The following CEP44 variants were observed in gnomAD, a reference collection of about 807,000 sequenced individuals.
The protein encoded by CEP44 is centrosomal protein 44.
Under a neutral mutation model 46.7 loss-of-function variants are expected in CEP44, and 45 were observed. The ratio of observed to expected loss-of-function variants is 0.96; its 90% CI spans 0.76 to 1.24. The LOEUF is 1.24. CEP44 is among the 50% of genes most tolerant of loss of function. The probability of loss-of-function intolerance (pLI) is 0.00; values close to 1 mark genes in which losing one functional copy is unlikely to be tolerated. For missense variants in CEP44, 475 were observed against 459.7 expected, an observed-to-expected ratio of 1.03 and a Z score of -0.30; for synonymous variants, 142 against 146.0, an observed-to-expected ratio of 0.97 and a Z score of 0.20.
At chr4:174,292,737 A>C (rs1158445703) in intron 1 of CEP44, among the ~76,000 whole-genome samples, 1 of 151,972 alleles carries the variant, frequency 6.6e-6, no homozygotes, top group East Asian at 1.9e-4. Context: ...CTTCTCCTTT[A>C]TTGAACTTTT....
In CEP44 at chr4:174,317,348, G is replaced by A; in HGVS notation, c.1138G>A (p.Ala380Thr). 1 of 1,389,544 alleles carries A rather than the reference G, an allele frequency of 7.2e-7. No individual in the cohort carries two copies. Among genetic ancestry groups the A allele is most frequent in the Non-Finnish European group, 9.6e-7 (1 of 1,040,018 alleles). 86.1% of individuals were successfully genotyped at this position (1,389,544 alleles called of 1,614,324 possible). ...ERMKKMFEET[A>T]ELLKCPNHYL ...ATTATATTTCAGGTTTGAAGAAACT[G>A]CAGAGTTACTGAAATGTCCAAATCA... Residue 380 changes from alanine to threonine, a missense_variant, in exon 12 of 12, where the codon GCA becomes ACA. Transcript: ENST00000503780.
At position 174,288,847 on chromosome 4, in the gene CEP44, G is replaced by A. The variant is rs570215435; in HGVS notation, c.-148+4904G>A. 1.3e-4 allele frequency among the ~76,000 whole-genome samples: 20 copies of A among 152,234 alleles called. No homozygotes were observed. In the South Asian group the frequency reaches 4.1e-3, roughly 32 times the overall value. The stretch of plus-strand genomic sequence containing the variant: ...CCTCATCTTATGGGGAAAGCTTTCA[G>A]TTTTTTATCTTTAAGTATCTTAGCT... On this transcript the variant is annotated intron_variant, in intron 1 of 11. Coordinates refer to ENST00000503780, the MANE Select transcript of CEP44 (RefSeq NM_001040157.3). This position sits in a 1 kb window ranked among gnomAD's most constrained non-coding sequence, Gnocchi z 4.6.
intron 9 of CEP44, among the ~76,000 whole-genome samples, 192 bp from the exon 10 acceptor site, chr4:174,315,974 A>T (rs960653650): frequency 6.6e-6 from 1 of 151,790 alleles, no homozygotes; most frequent in Non-Finnish European, 1.5e-5. Context: ...TGTAATTTTT[A>T]TTGGGCAATT....
At chr4:174,295,600 G>C (rs1738901952) in intron 1 of CEP44, among the ~76,000 whole-genome samples, 1 of 151,960 alleles carries the variant, frequency 6.6e-6, no homozygotes, top group Non-Finnish European at 1.5e-5. Context: ...GCCGGGCAGA[G>C]GCTGCAATCT....
rs949019933 is a variant in CEP44, at chr4:174,288,878, C to A, written c.-148+4935C>A. Among the ~76,000 whole-genome samples, 3 of 152,128 alleles carry A rather than the reference C, an allele frequency of 2.0e-5. No homozygotes were observed. The East Asian group carries it at 5.8e-4, about 29-fold the overall frequency. On this transcript the variant is annotated intron_variant, in intron 1 of 11. Transcript: ENST00000503780. The surrounding 1 kb of genome is among the most constrained non-coding windows in gnomAD (Gnocchi z 4.6). ...TATCTTTAAGTATCTTAGCTGTGGG[C>A]TTCTCATAAATGGACTTTATTTTGT...
chr4:174,310,813 A>G lies in CEP44; in HGVS notation c.916A>G (p.Ser306Gly). 6.6e-7 allele frequency: 1 copy of G among 1,516,180 alleles called. No homozygotes were observed. Among genetic ancestry groups the G allele is most frequent in the South Asian group, 1.2e-5 (1 of 84,880 alleles). 93.9% of individuals were successfully genotyped at this position (1,516,180 alleles called of 1,614,324 possible). A position where few individuals can be genotyped will look rare whatever the true frequency, so the allele number is the denominator to read the frequency against. Residue 306 changes from serine (S) to glycine (G), a missense_variant, in exon 9 of 12, where the codon AGT becomes GGT. Coordinates refer to ENST00000503780, the MANE Select transcript of CEP44 (RefSeq NM_001040157.3). This position sits in a 1 kb window ranked among gnomAD's most constrained non-coding sequence, Gnocchi z 4.2. ...NDEFIEFNEV[S>G]EDYASCSDMD... is the part of the protein sequence containing the mutation. ...TGAATTTATAGAGTTTAATGAAGTT[A>G]GTGAAGACTACGCTTCTTGTAGTGA...
rs1224744197 is a variant in CEP44 at position 174,288,630 on chromosome 4, T to C, written c.-148+4687T>C. Among the ~76,000 whole-genome samples the C allele has an allele frequency of 6.6e-6, 1 of 152,164 alleles. No individual in the cohort carries two copies. Among genetic ancestry groups the C allele is most frequent in the Non-Finnish European group, 1.5e-5 (1 of 67,990 alleles). On this transcript the variant is annotated intron_variant, in intron 1 of 11. Transcript: ENST00000503780. The surrounding 1 kb of genome is among the most constrained non-coding windows in gnomAD (Gnocchi z 4.6). ...TCCTTCTTTTTTAAAGGCAAATTTG[T>C]TTATTCTCACATTTTTGTTGGGGTC...
At chr4:174,296,401 T>C (rs1454549042) in intron 1 of CEP44, among the ~76,000 whole-genome samples, 1 of 152,236 alleles carries the variant, frequency 6.6e-6, no homozygotes, top group Non-Finnish European at 1.5e-5. Context: ...CATGAGATGT[T>C]GAACCTTTCA....
rs1737620451 is a variant in CEP44, at chr4:174,286,682, TC to T, written c.-148+2741del. ...TTATGACTCTTCTTTGGGAAAAATC[TC>T]CTTTGATAATCTAATGAAAGTCCCA... On this transcript the variant is annotated intron_variant, in intron 1 of 11. Coordinates refer to ENST00000503780, the MANE Select transcript of CEP44 (RefSeq NM_001040157.3). This position sits in a 1 kb window ranked among gnomAD's most constrained non-coding sequence, Gnocchi z 5.2. Among the ~76,000 whole-genome samples the T allele has an allele frequency of 1.3e-5, 2 of 152,222 alleles. No homozygotes were observed. The highest frequency in any genetic ancestry group is 2.9e-5 in the Non-Finnish European group (2 of 68,044).
chr4:174,309,799 A>G lies in CEP44; in HGVS notation c.679-51A>G. The G allele has an allele frequency of 8.0e-7, 1 of 1,255,954 alleles. No individual in the cohort carries two copies. The highest frequency in any genetic ancestry group is 1.1e-6 in the Non-Finnish European group (1 of 888,868). The allele number at this position is 1,255,954 out of a possible 1,614,324, so 77.8% of individuals were successfully genotyped here. A position where few individuals can be genotyped will look rare whatever the true frequency, so the allele number is the denominator to read the frequency against. ...TGGAAGTGAGAATACATTAATTTTA[A>G]AGAAATTTCAGTTTGTTTAATTTTA... is the stretch of plus-strand genomic sequence containing the variant. On this transcript the variant is annotated intron_variant, in intron 7 of 11. Coordinates refer to ENST00000503780, the MANE Select transcript of CEP44 (RefSeq NM_001040157.3). The surrounding 1 kb of genome is among the most constrained non-coding windows in gnomAD (Gnocchi z 5.3).
intron 4 of CEP44, among the ~76,000 whole-genome samples, chr4:174,303,157 C>T (rs1237188646): frequency 1.3e-5 from 2 of 152,032 alleles, no homozygotes; most frequent in African/African-American, 2.4e-5. Context: ...TTTAATCTTT[C>T]TCTTTCTTGC....
rs993193626 is a variant in CEP44 at position 174,297,953 on chromosome 4, C to T, written c.-147-13C>T. On this transcript the variant is annotated splice_polypyrimidine_tract_variant and intron_variant, in intron 1 of 11. Coordinates refer to ENST00000503780, the MANE Select transcript of CEP44 (RefSeq NM_001040157.3). This position sits in a 1 kb window ranked among gnomAD's most constrained non-coding sequence, Gnocchi z 4.3. The stretch of plus-strand genomic sequence containing the variant: ...TTATTTCAGCCCCCTGGACTTACCC[C>T]TTTGTCTTTCAGAAGCATCAAGTGT... The T allele has an allele frequency of 8.5e-5, 13 of 152,118 alleles. No homozygotes were observed. The highest frequency in any genetic ancestry group is 3.1e-4 in the African/African-American group (13 of 41,390). The allele number at this position is 152,118 out of a possible 1,614,324, so 9.4% of individuals were successfully genotyped here. A position where few individuals can be genotyped will look rare whatever the true frequency, so the allele number is the denominator to read the frequency against.
In CEP44 at chr4:174,319,757, A is replaced by G. The variant is rs1045575539; in HGVS notation, c.*2374A>G. ...TAAAAATCAACTCAATATATCATAC[A>G]TTTACACTTACAAAGAGTCTTTATC... On this transcript the variant is annotated 3_prime_UTR_variant, in exon 12 of 12. Transcript: ENST00000503780. The G allele has an allele frequency of 1.2e-4, 109 of 915,162 alleles. No homozygotes were observed. Among genetic ancestry groups the G allele is most frequent in the Non-Finnish European group, 1.3e-4 (102 of 766,486 alleles). 56.7% of individuals were successfully genotyped at this position (915,162 alleles called of 1,614,324 possible).
At chr4:174,291,624 A>T (rs1032859640) in intron 1 of CEP44, among the ~76,000 whole-genome samples, 2 of 151,906 alleles carry the variant, frequency 1.3e-5, no homozygotes, top group Non-Finnish European at 2.9e-5. Flanking sequence ...TGAGATGTAT[A>T]CTTTCATATG....
rs1021059809 is a variant in CEP44, at chr4:174,316,636, T to C, written c.1124+69T>C. On this transcript the variant is annotated intron_variant, in intron 11 of 11. Coordinates refer to ENST00000503780, the MANE Select transcript of CEP44 (RefSeq NM_001040157.3). ...GAATTGTATTGGATTACAGTATATA[T>C]AGAATGTGCATGTGTGTTTCAAACC... The C allele has an allele frequency of 1.5e-5, 21 of 1,398,540 alleles. No individual in the cohort carries two copies. In the East Asian group the frequency reaches 4.3e-4, roughly 29 times the overall value. 86.6% of individuals were successfully genotyped at this position (1,398,540 alleles called of 1,614,324 possible).
chr4:174,298,126 T>C (rs74341332), intron 2 of CEP44, 64 bp downstream of exon 2: 9,696 of 151,880 alleles, frequency 0.064, 432 homozygotes, highest in South Asian at 0.2. Flanking sequence ...TGTTTTGTTA[T>C]GTGAAATCTC....
At chr4:174,295,875 C>G (rs1738943452) in intron 1 of CEP44, among the ~76,000 whole-genome samples, 3 of 152,178 alleles carry the variant, frequency 2.0e-5, no homozygotes, top group Non-Finnish European at 4.4e-5. Flanking sequence ...TCCCTCTATT[C>G]CTAGTTTGCT....
chr4:174,285,257 C>T (rs1188214533), intron 1 of CEP44, among the ~76,000 whole-genome samples: 2 of 152,266 alleles, frequency 1.3e-5, no homozygotes, highest in African/African-American at 4.8e-5. Flanking sequence ...TTAAAATGTA[C>T]ATAAGTAATA....
chr4:174,320,994 T>G (rs1432641194), downstream of CEP44, among the ~76,000 whole-genome samples: 2 of 151,990 alleles, frequency 1.3e-5, no homozygotes, highest in Non-Finnish European at 1.5e-5. Context: ...ACTTCCAGTT[T>G]AAGGACTATC....
Sources: gnomAD v4.1 joint callset for allele counts (sites outside exome capture counted in the v4.1 genomes callset) on GRCh38, gnomAD v4.1.1 for gene constraint, Gnocchi (gnomAD v3.1) non-coding constraint, MANE v1.5 for transcripts, NCBI Gene and HGNC (gene_info 2026-07-23, HGNC 2026-07-21) for gene names.